Variants in FAM171A2 observed in about 807,000 individuals in gnomAD.
FAM171A2 encodes family with sequence similarity 171 member A2, also known as protein FAM171A2.
FAM171A2 carries 13 observed loss-of-function variants against 34.2 expected under a neutral mutation model. That is an observed-to-expected ratio of 0.38 (90% CI 0.25 to 0.60). FAM171A2 has a LOEUF of 0.60. FAM171A2 is among the 20% of genes least tolerant of loss of function. FAM171A2 has a pLI of 0.62. For synonymous variants in FAM171A2, 475 were observed against 561.2 expected, an observed-to-expected ratio of 0.85 and a Z score of 2.17; for missense variants, 950 against 1,180.7, an observed-to-expected ratio of 0.80 and a Z score of 2.86.
At chr17:44,359,883 CT>C (rs755791912) in intron 2 of FAM171A2, 21 bp downstream of exon 2, 172 of 1,510,936 alleles carry the variant, frequency 1.1e-4, no homozygotes, top group Middle Eastern at 4.4e-4. Flanking sequence ...TGTCCCCCCC[CT>C]CCACCTGCCC....
intron 1 of FAM171A2, among the ~76,000 whole-genome samples, chr17:44,360,444 TACTG>T (rs2048443775): frequency 6.6e-6 from 1 of 152,250 alleles, no homozygotes; most frequent in African/African-American, 2.4e-5. Context: ...CTTCCTTTCT[TACTG>T]GTACCTGAAA....
chr17:44,353,330 T>G lies in FAM171A2; in HGVS notation c.*403A>C. On this transcript the variant is annotated 3_prime_UTR_variant, in exon 8 of 8. Coordinates refer to ENST00000293443, the MANE Select transcript of FAM171A2 (RefSeq NM_198475.3). ...GTGACATCGTAGCCCAGAGATGGGC[T>G]AGTCAGCAAGCAGCACCCCCTCCCC... 1 of 177,952 alleles carries G rather than the reference T, an allele frequency of 5.6e-6. No individual in the cohort carries two copies. 11.0% of individuals were successfully genotyped at this position (177,952 alleles called of 1,614,324 possible).
chr17:44,353,846 G>C lies in FAM171A2; in HGVS notation c.2368C>G (p.Leu790Val), dbSNP rs972538078. Reference protein sequence around the residue: ...SSASELRRDSLTSPEDELGAE... With the variant: ...SSASELRRDSVTSPEDELGAE... Reference sequence around the variant, plus strand: ...CCCAGCTCGTCCTCCGGGCTGGTGAGCGAGTCGCGCCGCAGCTCGCTGGCG... The same window carrying C: ...CCCAGCTCGTCCTCCGGGCTGGTGACCGAGTCGCGCCGCAGCTCGCTGGCG... The change falls in exon 8 of 8, where the codon CTC (leucine) becomes GTC (valine). Residue 790 changes from leucine (L) to valine (V), a missense_variant. Physicochemically the swap from Leu to Val is conservative, Grantham distance 32. Coordinates refer to ENST00000293443, the MANE Select transcript of FAM171A2 (RefSeq NM_198475.3). The C allele has an allele frequency of 3.6e-5, 51 of 1,399,256 alleles. No individual in the cohort carries two copies. The highest frequency in any genetic ancestry group is 4.6e-5 in the Non-Finnish European group (49 of 1,076,056). The allele number at this position is 1,399,256 out of a possible 1,614,324, so 86.7% of individuals were successfully genotyped here.
Position 44,356,294 on chromosome 17 carries a change from T to C in FAM171A2, c.657A>G (p.Thr219=), listed in dbSNP as rs1033741299. 1.3e-6 allele frequency: 2 copies of C among 1,550,750 alleles called. No homozygotes were observed. The highest frequency in any genetic ancestry group is 1.7e-6 in the Non-Finnish European group (2 of 1,146,538). The change falls in exon 5 of 8, where the codon ACA becomes ACG. Residue 219 remains threonine (T), a synonymous_variant. Transcript: ENST00000293443. ...AGAGCGGCACCTCTGTCCCATTACCTGTCAGCAGGTGCACGCTCACAGCAG... is the reference window on the plus strand; with the variant it reads ...AGAGCGGCACCTCTGTCCCATTACCCGTCAGCAGGTGCACGCTCACAGCAG... ...PLTAVSVHLL[T]GNGTEVPLSG...
rs1413560319 is a variant in FAM171A2 at position 44,354,528 on chromosome 17, C to G, written c.1686G>C (p.Pro562=). 4 of 1,162,994 alleles carry G rather than the reference C, an allele frequency of 3.4e-6. No homozygotes were observed. Among genetic ancestry groups the G allele is most frequent in the Non-Finnish European group, 4.2e-6 (4 of 943,534 alleles). 72.0% of individuals were successfully genotyped at this position (1,162,994 alleles called of 1,614,324 possible). A position where few individuals can be genotyped will look rare whatever the true frequency, so the allele number is the denominator to read the frequency against. Residue 562 remains proline, a synonymous_variant, in exon 8 of 8, where the codon CCG becomes CCC. Coordinates refer to ENST00000293443, the MANE Select transcript of FAM171A2 (RefSeq NM_198475.3). This position sits in a 1 kb window ranked among gnomAD's most constrained non-coding sequence, Gnocchi z 5.8. ...CGGGTGCCGTGCCCTCCGGCGGGGC[C>G]GGCTCGTCGCCCACGCCGGCGGCGC... ...EAGAAGVGDE[P]APPEGTAPGP... is the part of the protein sequence containing the mutation.
In FAM171A2 at chr17:44,354,885, G is replaced by A. The variant is rs1452273036; in HGVS notation, c.1329C>T (p.Gly443=). 7.6e-6 allele frequency: 10 copies of A among 1,319,618 alleles called. No individual in the cohort carries two copies. The South Asian group carries it at 1.5e-4, about 20-fold the overall frequency. 81.7% of individuals were successfully genotyped at this position (1,319,618 alleles called of 1,614,324 possible). A position where few individuals can be genotyped will look rare whatever the true frequency, so the allele number is the denominator to read the frequency against. ...ARGGESAGLK[G]ARSAEGPGGL... ...CGCCGGGGCCCTCGGCCGAGCGAGCGCCCTTGAGCCCGGCGCTCTCGCCCC... is the reference window on the plus strand; with the variant it reads ...CGCCGGGGCCCTCGGCCGAGCGAGCACCCTTGAGCCCGGCGCTCTCGCCCC... Residue 443 remains glycine, a synonymous_variant, in exon 8 of 8, where the codon GGC becomes GGT. Coordinates refer to ENST00000293443, the MANE Select transcript of FAM171A2 (RefSeq NM_198475.3). The surrounding 1 kb of genome is among the most constrained non-coding windows in gnomAD (Gnocchi z 5.8).
chr17:44,360,295 ACCT>A (rs1043128584), intron 1 of FAM171A2, among the ~76,000 whole-genome samples, 163 bp from the exon 2 acceptor site: 3 of 151,810 alleles, frequency 2.0e-5, no homozygotes, highest in Non-Finnish European at 2.9e-5. Flanking sequence ...ACTCACTGAA[ACCT>A]CCTATCAGCC....
In FAM171A2 at chr17:44,355,782, G is replaced by A. The variant is rs917936198; in HGVS notation, c.955C>T (p.Leu319Phe). The A allele has an allele frequency of 7.1e-6, 11 of 1,551,790 alleles. No homozygotes were observed. Among genetic ancestry groups the A allele is most frequent in the Non-Finnish European group, 9.6e-6 (11 of 1,147,052 alleles). The change falls in exon 7 of 8, where the codon CTC becomes TTC. Residue 319 changes from leucine to phenylalanine, a missense_variant. Physicochemically the swap from Leu to Phe is conservative, Grantham distance 22. Around this residue, in one of 3 missense-constraint regions of FAM171A2, gnomAD observed 752 missense variants for 924.5 expected, o/e 0.81. Transcript: ENST00000293443. The surrounding 1 kb of genome is among the most constrained non-coding windows in gnomAD (Gnocchi z 4.1). ...AGGGCCAGGGCTGCCAGGATGGTGAGCAAGAAGATGGTGTGGTAGGTGCCG... is the reference window on the plus strand; with the variant it reads ...AGGGCCAGGGCTGCCAGGATGGTGAACAAGAAGATGGTGTGGTAGGTGCCG... ...DIGTYHTIFL[L>F]TILAALALLV...
intron 4 of FAM171A2, 28 bp downstream of exon 4, chr17:44,356,402 C>A (rs773855529): frequency 1.9e-6 from 3 of 1,548,254 alleles, no homozygotes; most frequent in African/African-American, 1.4e-5. Flanking sequence ...CCTGGGGAGA[C>A]CCCATCCGTG....
In FAM171A2 at chr17:44,363,611, G is replaced by T; in HGVS notation, c.104C>A (p.Pro35His). The change falls in exon 1 of 8, where the codon CCC (proline) becomes CAC (histidine). Residue 35 changes from proline (P) to histidine (H), a missense_variant. Pro to His is a moderately conservative substitution (Grantham distance 77). Around this residue, in one of 3 missense-constraint regions of FAM171A2, gnomAD observed 752 missense variants for 924.5 expected, o/e 0.81. Transcript: ENST00000293443. ...CTGAGACTCACCCTGCGGGCTGGGGGGCTCCGGCGGCGACTTGCCGGGAGC... is the reference window on the plus strand; with the variant it reads ...CTGAGACTCACCCTGCGGGCTGGGGTGCTCCGGCGGCGACTTGCCGGGAGC... ...SRAPGKSPPE[P>H]PSPQEILIKV... 2.4e-6 allele frequency: 3 copies of T among 1,229,062 alleles called. No individual in the cohort carries two copies. Among genetic ancestry groups the T allele is most frequent in the South Asian group, 4.0e-5 (1 of 25,258 alleles). The allele number at this position is 1,229,062 out of a possible 1,614,324, so 76.1% of individuals were successfully genotyped here. A position where few individuals can be genotyped will look rare whatever the true frequency, so the allele number is the denominator to read the frequency against.
chr17:44,355,824 A>C lies in FAM171A2; in HGVS notation c.913T>G (p.Ser305Ala). 1 of 1,551,692 alleles carries C rather than the reference A, an allele frequency of 6.4e-7. No homozygotes were observed. Reference protein sequence around the residue: ...SPTAGLVTITSGIQDIGTYHT... With the variant: ...SPTAGLVTITAGIQDIGTYHT... The stretch of plus-strand genomic sequence containing the variant: ...TAGGTGCCGATGTCCTGGATGCCCG[A>C]CGTGATGGTGACCAGCCCTGTGCCA... Residue 305 changes from serine to alanine, a missense_variant, in exon 7 of 8, where the codon TCG becomes GCG. Coordinates refer to ENST00000293443, the MANE Select transcript of FAM171A2 (RefSeq NM_198475.3). The surrounding 1 kb of genome is among the most constrained non-coding windows in gnomAD (Gnocchi z 4.1).
In FAM171A2 at chr17:44,354,838, T is replaced by G; in HGVS notation, c.1376A>C (p.Glu459Ala). 1.6e-6 allele frequency: 2 copies of G among 1,270,880 alleles called. No homozygotes were observed. Among genetic ancestry groups the G allele is most frequent in the Non-Finnish European group, 2.0e-6 (2 of 1,009,632 alleles). 78.7% of individuals were successfully genotyped at this position (1,270,880 alleles called of 1,614,324 possible). The stretch of plus-strand genomic sequence containing the variant: ...AGCCCCCGAGGGCCCCCGCCGGTGC[T>G]CCTCTAGGCCGGGCTCCAGCCCGCC... ...GPGGLEPGLE[E>A]HRRGPSGAAA... The change falls in exon 8 of 8, where the codon GAG (glutamate) becomes GCG (alanine). Residue 459 changes from glutamate to alanine, a missense_variant. This residue lies in a region of FAM171A2 where 752 missense variants were observed against 924.5 expected (regional missense o/e 0.81). Transcript: ENST00000293443. The surrounding 1 kb of genome is among the most constrained non-coding windows in gnomAD (Gnocchi z 5.8).
rs2048402543 is a variant in FAM171A2, at chr17:44,353,679, G to A, written c.*54C>T. 9 of 1,203,726 alleles carry A rather than the reference G, an allele frequency of 7.5e-6. No homozygotes were observed. The highest frequency in any genetic ancestry group is 9.3e-6 in the Non-Finnish European group (9 of 970,112). The allele number at this position is 1,203,726 out of a possible 1,614,324, so 74.6% of individuals were successfully genotyped here. A position where few individuals can be genotyped will look rare whatever the true frequency, so the allele number is the denominator to read the frequency against. On this transcript the variant is annotated 3_prime_UTR_variant, in exon 8 of 8. Transcript: ENST00000293443. ...GGGCCCCCGCGGGCCCCCGGGGCGC[G>A]CACCCTGGGTGCGGGCCCGCGCGGG...
chr17:44,360,217 T>A, intron 1 of FAM171A2, 85 bp from the exon 2 acceptor site: 1 of 1,174,256 alleles, frequency 8.5e-7, no homozygotes, highest in Non-Finnish European at 1.2e-6. Context: ...AGGAAGGAGC[T>A]GTGTTTGAGA....
chr17:44,355,674 G>A lies in FAM171A2; in HGVS notation c.1022+41C>T, dbSNP rs1347899464. On this transcript the variant is annotated intron_variant, in intron 7 of 7. Coordinates refer to ENST00000293443, the MANE Select transcript of FAM171A2 (RefSeq NM_198475.3). This position sits in a 1 kb window ranked among gnomAD's most constrained non-coding sequence, Gnocchi z 4.1. ...ATGCATCTTTGGGGCCCCAGGGCCC[G>A]GTACAAGTGCAGGGGAGGGTGAGGG... 1.9e-6 allele frequency: 3 copies of A among 1,549,724 alleles called. No individual in the cohort carries two copies. Among genetic ancestry groups the A allele is most frequent in the Non-Finnish European group, 2.6e-6 (3 of 1,146,078 alleles).
Position 44,353,527 on chromosome 17 carries a change from A to T in FAM171A2, c.*206T>A. 3.9e-6 allele frequency: 1 copy of T among 256,122 alleles called. No individual in the cohort carries two copies. The highest frequency in any genetic ancestry group is 5.7e-5 in the Admixed American group (1 of 17,570). The allele number at this position is 256,122 out of a possible 1,614,324, so 15.9% of individuals were successfully genotyped here. The stretch of plus-strand genomic sequence containing the variant: ...CCGGCACCTCCCCGTGGGGGTCTGG[A>T]CCCCCCCTCCTCCCCGGCTTGGAGG... On this transcript the variant is annotated 3_prime_UTR_variant, in exon 8 of 8. Transcript: ENST00000293443.
Position 44,353,720 on chromosome 17 carries a change from C to A in FAM171A2, c.*13G>T. The A allele has an allele frequency of 2.2e-6, 3 of 1,374,228 alleles. No individual in the cohort carries two copies. Among genetic ancestry groups the A allele is most frequent in the South Asian group, 1.5e-5 (1 of 65,294 alleles). 85.1% of individuals were successfully genotyped at this position (1,374,228 alleles called of 1,614,324 possible). A position where few individuals can be genotyped will look rare whatever the true frequency, so the allele number is the denominator to read the frequency against. ...CCCGCGCGGGAGGGGCGGTGCCAGG[C>A]CCTGCGCGGGCGCTACTTGACGTTG... On this transcript the variant is annotated 3_prime_UTR_variant, in exon 8 of 8. Transcript: ENST00000293443.
chr17:44,353,786 T>C lies in FAM171A2; in HGVS notation c.2428A>G (p.Ser810Gly), dbSNP rs1319886437. The C allele has an allele frequency of 2.1e-6, 3 of 1,436,474 alleles. No individual in the cohort carries two copies. Among genetic ancestry groups the C allele is most frequent in the Non-Finnish European group, 2.7e-6 (3 of 1,096,258 alleles). 89.0% of individuals were successfully genotyped at this position (1,436,474 alleles called of 1,614,324 possible). A position where few individuals can be genotyped will look rare whatever the true frequency, so the allele number is the denominator to read the frequency against. ...CGCTCCTCCCGCCGCTGCCACGGGC[T>C]CTTCTTGTCTCCCGCCTCGTCGCCC... Reference protein sequence around the residue: ...EVGDEAGDKKSPWQRREERPL... With the variant: ...EVGDEAGDKKGPWQRREERPL... The change falls in exon 8 of 8, where the codon AGC becomes GGC. Residue 810 changes from serine (S) to glycine (G), a missense_variant. Physicochemically the swap from Ser to Gly is moderately conservative, Grantham distance 56 (BLOSUM62 0). Around this residue, in one of 3 missense-constraint regions of FAM171A2, gnomAD observed 191 missense variants for 222.8 expected, o/e 0.86. Coordinates refer to ENST00000293443, the MANE Select transcript of FAM171A2 (RefSeq NM_198475.3).
chr17:44,362,203 C>T (rs1007466184), intron 1 of FAM171A2, among the ~76,000 whole-genome samples: 1 of 152,110 alleles, frequency 6.6e-6, no homozygotes, highest in Non-Finnish European at 1.5e-5. Context: ...TGGCTCTATT[C>T]CAGCCAATTC....
Sources: allele counts gnomAD v4.1 joint callset (sites outside exome capture counted in the v4.1 genomes callset), GRCh38; gene constraint gnomAD v4.1.1; regional missense constraint gnomAD v4.1.1; non-coding constraint Gnocchi (gnomAD v3.1); transcripts MANE v1.5; gene names NCBI Gene and HGNC (gene_info 2026-07-23, HGNC 2026-07-21).